The following CDH4 variants were observed in gnomAD, a reference collection of about 807,000 sequenced individuals.
CDH4 encodes cadherin-4.
Under a neutral mutation model 86.0 loss-of-function variants are expected in CDH4, and 33 were observed. That is an observed-to-expected ratio of 0.38 (90% CI 0.29 to 0.51). The LOEUF is 0.51. Among genes scored for constraint, CDH4 ranks in the 20% least tolerant of loss-of-function variants. CDH4 has a pLI of 0.86. For synonymous variants in CDH4, 555 were observed against 549.4 expected, an observed-to-expected ratio of 1.01 and a Z score of -0.14; for missense variants, 1,114 against 1,307.4, an observed-to-expected ratio of 0.85 and a Z score of 2.28.
At chr20:61,889,957 TGATG>T (rs1033232328) in intron 7 of CDH4, among the ~76,000 whole-genome samples, 1 of 140,318 alleles carries the variant, frequency 7.1e-6, no homozygotes, top group Non-Finnish European at 1.5e-5. Context: ...GATGGTTGGA[TGATG>T]GATGGATGGA....
intron 2 of CDH4, among the ~76,000 whole-genome samples, chr20:61,375,216 T>G (rs2084860362): frequency 6.6e-6 from 1 of 152,186 alleles, no homozygotes; most frequent in African/African-American, 2.4e-5. Context: ...TTTTACAGAG[T>G]TTGACTCTTT....
At chr20:61,813,282 C>G (rs1346511474) in intron 4 of CDH4, among the ~76,000 whole-genome samples, 3 of 152,182 alleles carry the variant, frequency 2.0e-5, no homozygotes, top group Non-Finnish European at 4.4e-5. Context: ...CCCAGGGCCA[C>G]ACCCTCGGGA....
At chr20:61,910,645 T>G (rs761036440) in intron 9 of CDH4, 38 bp downstream of exon 9, 2 of 1,568,324 alleles carry the variant, frequency 1.3e-6, no homozygotes, top group Non-Finnish European at 1.8e-6. Context: ...GCACCCCAAG[T>G]TCTGCCACCT....
chr20:61,315,901 G>A (rs2084473798), intron 2 of CDH4, among the ~76,000 whole-genome samples: 1 of 152,012 alleles, frequency 6.6e-6, no homozygotes, highest in Admixed American at 6.5e-5. Context: ...TTGTAGAGAT[G>A]GGGTCCCACC....
chr20:61,345,073 T>G (rs6015951), intron 2 of CDH4, among the ~76,000 whole-genome samples: 30,243 of 152,196 alleles, frequency 0.2, 3,014 homozygotes, highest in Middle Eastern at 0.35. Flanking sequence ...GATTTTTATC[T>G]CGTTTGGATT....
intron 2 of CDH4, among the ~76,000 whole-genome samples, chr20:61,313,695 G>A (rs2084460759): frequency 6.6e-6 from 1 of 152,164 alleles, no homozygotes; most frequent in South Asian, 2.1e-4. Context: ...AATAAAAAAT[G>A]TATATATTTA....
intron 4 of CDH4, among the ~76,000 whole-genome samples, chr20:61,809,250 G>C (rs1208735261): frequency 6.6e-6 from 1 of 152,128 alleles, no homozygotes; most frequent in Non-Finnish European, 1.5e-5. Flanking sequence ...TCCCGGGGAT[G>C]GTCAGCGGCG....
intron 12 of CDH4, 59 bp from the exon 13 acceptor site, chr20:61,929,550 G>A (rs567929108): frequency 4.3e-5 from 58 of 1,345,490 alleles, no homozygotes; most frequent in Admixed American, 3.9e-4. Flanking sequence ...TCCTTTGGAC[G>A]TCTTGCTTGG....
intron 2 of CDH4, among the ~76,000 whole-genome samples, chr20:61,490,304 T>C (rs901926052): frequency 2.6e-5 from 4 of 152,186 alleles, no homozygotes; most frequent in Non-Finnish European, 5.9e-5. Context: ...TGCAGCCACA[T>C]GGCTGAGCCT....
chr20:61,422,424 C>CAAAAAAAAAAAAAAAAAAAAAAAAAAA (rs869235928), intron 2 of CDH4, among the ~76,000 whole-genome samples: 3 of 22,262 alleles, frequency 1.3e-4, no homozygotes, highest in Admixed American at 8.3e-4. Context: ...AACTCCGTCT[C>CAAAAAAAAAAAAAAAAAAAAAAAAAAA]AAAAAAAAAA....
At chr20:61,728,081 G>T (rs191087309) in intron 2 of CDH4, among the ~76,000 whole-genome samples, 20 of 152,318 alleles carry the variant, frequency 1.3e-4, no homozygotes, top group Admixed American at 1.2e-3. Flanking sequence ...TTTAGCCAGG[G>T]CCTGAGCAGG....
chr20:61,854,114 G>A (rs1471900446), intron 6 of CDH4, among the ~76,000 whole-genome samples: 2 of 152,274 alleles, frequency 1.3e-5, no homozygotes, highest in East Asian at 1.9e-4. Context: ...AGCAAGTGAC[G>A]GCTTCCAGGC....
chr20:61,650,431 G>A (rs1043812937), intron 2 of CDH4, among the ~76,000 whole-genome samples: 6 of 152,242 alleles, frequency 3.9e-5, no homozygotes, highest in African/African-American at 9.6e-5. Flanking sequence ...GTTTCTATAA[G>A]TTCATATGCA....
intron 2 of CDH4, among the ~76,000 whole-genome samples, chr20:61,529,126 C>G (rs6121669): frequency 1.6e-3 from 239 of 152,296 alleles, no homozygotes; most frequent in African/African-American, 5.3e-3. Context: ...TATTTCATTC[C>G]TGAGACCCAA....
intron 2 of CDH4, among the ~76,000 whole-genome samples, chr20:61,713,759 C>G (rs901595340): frequency 9.9e-5 from 15 of 152,242 alleles, no homozygotes; most frequent in Admixed American, 9.2e-4. Flanking sequence ...CAGCACCACA[C>G]CTGCCTTTCG....
intron 2 of CDH4, among the ~76,000 whole-genome samples, chr20:61,642,185 T>A (rs1196292541): frequency 6.6e-6 from 1 of 152,256 alleles, no homozygotes; most frequent in African/African-American, 2.4e-5. Context: ...GTTGTAGTCA[T>A]CTTTTTACCA....
chr20:61,568,786 C>T, intron 2 of CDH4, among the ~76,000 whole-genome samples: 1 of 152,204 alleles, frequency 6.6e-6, no homozygotes, highest in East Asian at 1.9e-4. Context: ...GCTCTTCCCT[C>T]CAAGATACTG....
rs569758137 is a variant in CDH4, at chr20:61,830,390, C to T, written c.577-14278C>T. Among the ~76,000 whole-genome samples the T allele has an allele frequency of 9.9e-5, 15 of 152,282 alleles. No homozygotes were observed. In the East Asian group the frequency reaches 2.9e-3, roughly 30 times the overall value. ...GGGACCCTCCCTGGGCTTCTACCGCCTGCCACACTCCACCTGTCCCCCTGC... is the reference window on the plus strand; with the variant it reads ...GGGACCCTCCCTGGGCTTCTACCGCTTGCCACACTCCACCTGTCCCCCTGC... On this transcript the variant is annotated intron_variant, in intron 4 of 15. Coordinates refer to ENST00000614565, the MANE Select transcript of CDH4 (RefSeq NM_001794.5).
At chr20:61,629,279 C>T (rs1373138074) in intron 2 of CDH4, among the ~76,000 whole-genome samples, 1 of 152,198 alleles carries the variant, frequency 6.6e-6, no homozygotes, top group Non-Finnish European at 1.5e-5. Context: ...CAGCCGGAGC[C>T]CTCCAGGAAG....
Sources: gnomAD v4.1 joint callset for allele counts (sites outside exome capture counted in the v4.1 genomes callset) on GRCh38, gnomAD v4.1.1 for gene constraint, MANE v1.5 for transcripts, NCBI Gene and HGNC (gene_info 2026-07-23, HGNC 2026-07-21) for gene names.